FAIM: variants seen among roughly 807,000 people sequenced by gnomAD.
FAIM encodes Fas apoptotic inhibitory molecule, also known as fas apoptotic inhibitory molecule 1.
FAIM carries 14 observed loss-of-function variants against 21.2 expected under a neutral mutation model. The ratio of observed to expected loss-of-function variants is 0.66; its 90% confidence interval spans 0.44 to 1.03. The LOEUF (loss-of-function observed/expected upper bound fraction) is 1.03. Among genes scored for constraint, FAIM ranks in the 50% least tolerant of loss-of-function variants. The probability of loss-of-function intolerance (pLI) is 0.00; values close to 1 mark genes in which losing one functional copy is unlikely to be tolerated. For missense variants in FAIM, 222 were observed against 247.1 expected (o/e 0.90, Z 0.68); for synonymous variants, 86 against 80.4 (o/e 1.07, Z -0.37).
chr3:138,620,920 A>T (rs1385413911), intron 2 of FAIM, among the ~76,000 whole-genome samples: 1 of 152,200 alleles, frequency 6.6e-6, no homozygotes, highest in African/African-American at 2.4e-5. Flanking sequence ...TTAGTATAAT[A>T]AATTAGAACC....
chr3:138,612,549 A>T (rs760785684), intron 1 of FAIM, among the ~76,000 whole-genome samples: 2 of 152,190 alleles, frequency 1.3e-5, no homozygotes, highest in African/African-American at 2.4e-5. Context: ...TTTGGCCGAG[A>T]TCAAGTGTAT....
chr3:138,631,810 A>G (rs1296688890), intron 5 of FAIM, among the ~76,000 whole-genome samples: 1 of 152,142 alleles, frequency 6.6e-6, no homozygotes, highest in Non-Finnish European at 1.5e-5. Context: ...AAATGGGGAC[A>G]AGAACACACT....
Position 138,621,527 on chromosome 3 carries a change from T to C in FAIM, c.165T>C (p.Tyr55=). ...CTACATCAGGCAAACGAGTAGTATA[T>C]GTAGATGGAAAGGTAGGAAGAAAAT... ...HGTTSGKRVV[Y]VDGKEEIRKE... The change falls in exon 3 of 6, where the codon TAT becomes TAC. Residue 55 remains tyrosine, a synonymous_variant. Coordinates refer to ENST00000360570, the MANE Select transcript of FAIM (RefSeq NM_001033031.2). The C allele has an allele frequency of 1.9e-6, 3 of 1,612,674 alleles. No individual in the cohort carries two copies. Among genetic ancestry groups the C allele is most frequent in the Non-Finnish European group, 2.5e-6 (3 of 1,179,584 alleles).
chr3:138,619,633 G>A, intron 1 of FAIM, 78 bp from the exon 2 acceptor site: 2 of 1,287,248 alleles, frequency 1.6e-6, no homozygotes, highest in South Asian at 1.3e-5. Flanking sequence ...ACCCTTTGTA[G>A]ATGTCATCAT....
intron 1 of FAIM, chr3:138,610,994 T>C: frequency 6.2e-7 from 1 of 1,613,950 alleles, no homozygotes. Flanking sequence ...CCCACTGTTG[T>C]GCTATAATCA....
chr3:138,621,344 G>A (rs1012521979), intron 2 of FAIM, 63 bp from the exon 3 acceptor site: 3 of 1,488,804 alleles, frequency 2.0e-6, no homozygotes, highest in Non-Finnish European at 2.8e-6. Context: ...CATCTTGGAA[G>A]GATTAATTGG....
At chr3:138,625,210 C>T (rs2042926777) in intron 4 of FAIM, among the ~76,000 whole-genome samples, 1 of 152,128 alleles carries the variant, frequency 6.6e-6, no homozygotes, top group African/African-American at 2.4e-5. Flanking sequence ...CACCTGTAAT[C>T]CCAGCACTGT....
intron 1 of FAIM, among the ~76,000 whole-genome samples, chr3:138,613,950 G>C (rs2042799306): frequency 6.6e-6 from 1 of 152,130 alleles, no homozygotes; most frequent in South Asian, 2.1e-4. Flanking sequence ...AGATCATTGA[G>C]ATAACTTTTG....
chr3:138,622,089 T>C, intron 3 of FAIM, 99 bp from the exon 4 acceptor site: 2 of 1,002,306 alleles, frequency 2.0e-6, no homozygotes, highest in Non-Finnish European at 2.9e-6. Flanking sequence ...AATGAAATTA[T>C]ATCTAAATGG....
At chr3:138,615,166 T>A (rs1282044828) in intron 1 of FAIM, among the ~76,000 whole-genome samples, 1 of 152,214 alleles carries the variant, frequency 6.6e-6, no homozygotes, top group Non-Finnish European at 1.5e-5. Flanking sequence ...TACAATGAAG[T>A]CTTGGCTGTC....
intron 1 of FAIM, among the ~76,000 whole-genome samples, chr3:138,613,105 C>G (rs1275780946): frequency 6.6e-6 from 1 of 151,500 alleles, no homozygotes; most frequent in African/African-American, 2.4e-5. Flanking sequence ...GCCTCCGCCT[C>G]CTGGGTTCAA....
intron 5 of FAIM, among the ~76,000 whole-genome samples, chr3:138,631,472 A>T (rs1164589394): frequency 6.6e-6 from 1 of 151,986 alleles, no homozygotes; most frequent in African/African-American, 2.4e-5. Context: ...ATATTCATCC[A>T]CATGTCTTTG....
intron 1 of FAIM, among the ~76,000 whole-genome samples, chr3:138,610,083 G>T (rs1388644876): frequency 6.6e-6 from 1 of 152,168 alleles, no homozygotes; most frequent in Non-Finnish European, 1.5e-5. Context: ...TGCATTATTG[G>T]CTGGCCCTAC....
chr3:138,627,355 G>A (rs954425047), intron 4 of FAIM, among the ~76,000 whole-genome samples: 1 of 151,924 alleles, frequency 6.6e-6, no homozygotes, highest in African/African-American at 2.4e-5. Context: ...CTAATTTTTT[G>A]TATTTTTAGT....
chr3:138,622,932 G>A (rs57622257), intron 4 of FAIM, among the ~76,000 whole-genome samples: 1,811 of 151,704 alleles, frequency 0.012, 40 homozygotes, highest in African/African-American at 0.042. Flanking sequence ...CCAGCTACTC[G>A]GGAGGCTGAG....
At chr3:138,619,328 T>C (rs540381815) in intron 1 of FAIM, among the ~76,000 whole-genome samples, 2 of 152,246 alleles carry the variant, frequency 1.3e-5, no homozygotes, top group Non-Finnish European at 1.5e-5. Context: ...CCCTGACTCA[T>C]AGCCTTGGGG....
intron 1 of FAIM, among the ~76,000 whole-genome samples, chr3:138,615,960 T>A (rs1577007773): frequency 1.3e-5 from 2 of 152,218 alleles, no homozygotes; most frequent in East Asian, 3.9e-4. Context: ...TTAGATGGGA[T>A]TTGTTGATGG....
chr3:138,610,968 C>T, intron 1 of FAIM: 2 of 1,613,590 alleles, frequency 1.2e-6, no homozygotes, highest in Non-Finnish European at 1.7e-6. Flanking sequence ...ATGCTGCTTC[C>T]CTTTATAAGG....
chr3:138,617,444 ATATATATAGTATT>A (rs2042836753), intron 1 of FAIM, among the ~76,000 whole-genome samples: 1 of 147,040 alleles, frequency 6.8e-6, no homozygotes, highest in African/African-American at 2.5e-5. Flanking sequence ...GTATATAAAT[ATATATATAGTATT>A]TATATGTACT....
Sources: gnomAD v4.1 joint callset for allele counts (sites outside exome capture counted in the v4.1 genomes callset) on GRCh38, gnomAD v4.1.1 for gene constraint, MANE v1.5 for transcripts, NCBI Gene and HGNC (gene_info 2026-07-23, HGNC 2026-07-21) for gene names.